The following PEAK1 variants were observed in gnomAD, a reference collection of about 807,000 sequenced individuals.
The protein encoded by PEAK1 is inactive tyrosine-protein kinase PEAK1.
In PEAK1, 54 loss-of-function variants were observed where a neutral mutation model predicts 124.7. The ratio of observed to expected loss-of-function variants is 0.43; its 90% CI spans 0.35 to 0.54. PEAK1 has a LOEUF of 0.54. PEAK1 is among the 20% of genes least tolerant of loss of function. The pLI is 0.01. For missense variants in PEAK1, 2,046 were observed against 2,134.5 expected, an observed-to-expected ratio of 0.96 and a Z score of 0.82; for synonymous variants, 719 against 760.0, an observed-to-expected ratio of 0.95 and a Z score of 0.89.
At chr15:77,313,409 C>A (rs2064601387) in intron 2 of PEAK1, among the ~76,000 whole-genome samples, 1 of 152,018 alleles carries the variant, frequency 6.6e-6, no homozygotes, top group African/African-American at 2.4e-5. Context: ...TTATTCACTT[C>A]TTCTAGGAAG....
rs189729475 is a variant in PEAK1, at chr15:77,117,506, T to C, written c.4078-2187A>G. ...TTGCAAATGTCAAACTAATGCAATC[T>C]TAGAGAATCCTAATTTTTTGAAACA... On this transcript the variant is annotated intron_variant, in intron 9 of 9. Coordinates refer to ENST00000682557, the MANE Select transcript of PEAK1 (RefSeq NM_001385026.1). Among the ~76,000 whole-genome samples, 547 of 152,348 alleles carry C rather than the reference T, an allele frequency of 3.6e-3. 7 individuals carry two copies. The highest frequency in any genetic ancestry group is 0.012 in the African/African-American group (518 of 41,590).
At chr15:77,260,299 C>A (rs928480641) in intron 5 of PEAK1, among the ~76,000 whole-genome samples, 16 of 152,118 alleles carry the variant, frequency 1.1e-4, no homozygotes, top group African/African-American at 3.9e-4. Context: ...GTCCAACATT[C>A]TTTAAAGATA....
In PEAK1 at chr15:77,419,309, AG is replaced by A. The variant is rs575308123; in HGVS notation, c.-666+696del. ...CGGATGGTGCATGCGACGAGAGGGG[AG>A]GGGGCAGACGCGGTTCAGACGGCAA... is the stretch of plus-strand genomic sequence containing the variant. On this transcript the variant is annotated intron_variant, in intron 1 of 9. Transcript: ENST00000682557. The A allele has an allele frequency of 2.5e-4, 243 of 985,328 alleles. 1 individual carries two copies. The African/African-American group carries it at 4.0e-3, about 16-fold the overall frequency. 61.0% of individuals were successfully genotyped at this position (985,328 alleles called of 1,614,324 possible).
At chr15:77,255,343 T>C in intron 5 of PEAK1, 1 of 973,604 alleles carries the variant, frequency 1.0e-6, no homozygotes, top group Non-Finnish European at 1.2e-6. Flanking sequence ...GTTTGGGTTC[T>C]GACTCTCCAT....
At chr15:77,226,052 T>TAATAA (rs1555449027) in intron 6 of PEAK1, among the ~76,000 whole-genome samples, 1 of 59,762 alleles carries the variant, frequency 1.7e-5, no homozygotes. Flanking sequence ...GGGATATATA[T>TAATAA]ATATATATAT....
chr15:77,101,813 T>A (rs1289370398), exon 7 of PEAK1: 4 of 152,192 alleles, frequency 2.6e-5, no homozygotes, highest in African/African-American at 9.6e-5. Context: ...CCATGCTGAC[T>A]ACTGGGGTCA....
At chr15:77,299,510 T>G (rs1471821960) in intron 2 of PEAK1, among the ~76,000 whole-genome samples, 1 of 152,222 alleles carries the variant, frequency 6.6e-6, no homozygotes, top group East Asian at 1.9e-4. Context: ...TCCACTAATG[T>G]CTTTTGTAGC....
chr15:77,376,050 A>G (rs2069000451), intron 1 of PEAK1, among the ~76,000 whole-genome samples: 1 of 149,604 alleles, frequency 6.7e-6, no homozygotes, highest in South Asian at 2.1e-4. Context: ...TAAATGTAAT[A>G]ATAAAAATAA....
intron 6 of PEAK1, among the ~76,000 whole-genome samples, chr15:77,220,635 C>A (rs1596682668): frequency 6.6e-6 from 1 of 150,804 alleles, no homozygotes; most frequent in Admixed American, 6.6e-5. Context: ...AAAGTAAAAG[C>A]AAACAAAGTA....
chr15:77,346,682 T>C lies in PEAK1; in HGVS notation c.-603+18481A>G, dbSNP rs952234008. The C allele has an allele frequency of 3.0e-6, 3 of 984,072 alleles. No individual in the cohort carries two copies. The African/African-American group carries it at 5.2e-5, about 17-fold the overall frequency. 61.0% of individuals were successfully genotyped at this position (984,072 alleles called of 1,614,324 possible). On this transcript the variant is annotated intron_variant, in intron 2 of 9. Coordinates refer to ENST00000682557, the MANE Select transcript of PEAK1 (RefSeq NM_001385026.1). ...AAAATATTAATTGCAAAAACATTAA[T>C]TGTATCTTCCTGACTACCAAAAGGA...
chr15:77,355,599 C>T (rs1216520210), intron 2 of PEAK1, among the ~76,000 whole-genome samples: 1 of 152,158 alleles, frequency 6.6e-6, no homozygotes, highest in Admixed American at 6.5e-5. Context: ...CAACAAGATT[C>T]TGTAGGACCC....
At chr15:77,308,318 T>C (rs1168248261) in intron 2 of PEAK1, among the ~76,000 whole-genome samples, 3 of 152,110 alleles carry the variant, frequency 2.0e-5, no homozygotes, top group Admixed American at 1.3e-4. Context: ...TTTAAGCTAA[T>C]GGACAGGAAG....
At chr15:77,223,235 T>C (rs184945035) in intron 6 of PEAK1, among the ~76,000 whole-genome samples, 39 of 152,126 alleles carry the variant, frequency 2.6e-4, no homozygotes, top group African/African-American at 8.9e-4. Context: ...AAGAGCCCTT[T>C]TGAAGCAAAC....
At chr15:77,234,901 G>A (rs1330768341) in intron 6 of PEAK1, among the ~76,000 whole-genome samples, 1 of 152,094 alleles carries the variant, frequency 6.6e-6, no homozygotes, top group South Asian at 2.1e-4. Context: ...CCTCCCTTGA[G>A]AACTGGATCA....
At chr15:77,405,059 G>A (rs1294858765) in intron 1 of PEAK1, among the ~76,000 whole-genome samples, 1 of 151,064 alleles carries the variant, frequency 6.6e-6, no homozygotes, top group Non-Finnish European at 1.5e-5. Context: ...AGGCTGGAGT[G>A]CAGTGGTGCA....
At chr15:77,380,277 T>C (rs932991719) in intron 1 of PEAK1, among the ~76,000 whole-genome samples, 2 of 152,182 alleles carry the variant, frequency 1.3e-5, no homozygotes, top group Non-Finnish European at 2.9e-5. Flanking sequence ...GGTTAGGTCA[T>C]GCCACTGGCG....
chr15:77,277,169 T>C (rs758593007), intron 5 of PEAK1, among the ~76,000 whole-genome samples: 3 of 152,138 alleles, frequency 2.0e-5, no homozygotes, highest in Non-Finnish European at 4.4e-5. Context: ...ATTCTTGACA[T>C]CTCAACTTAG....
chr15:77,319,442 TTTTAA>T (rs2065066238), intron 2 of PEAK1, among the ~76,000 whole-genome samples: 1 of 152,212 alleles, frequency 6.6e-6, no homozygotes, highest in South Asian at 2.1e-4. Context: ...AATCACTGAT[TTTTAA>T]AGTTCTTAAA....
At chr15:77,160,279 C>A (rs1025144111) in intron 7 of PEAK1, among the ~76,000 whole-genome samples, 2 of 152,170 alleles carry the variant, frequency 1.3e-5, no homozygotes, top group Non-Finnish European at 2.9e-5. Flanking sequence ...GTGTATATTA[C>A]TGAGTAGTTA....
Sources: allele counts gnomAD v4.1 joint callset (sites outside exome capture counted in the v4.1 genomes callset), GRCh38; gene constraint gnomAD v4.1.1; transcripts MANE v1.5; gene names NCBI Gene and HGNC (gene_info 2026-07-23, HGNC 2026-07-21).